Variants in KHDRBS3 observed in about 807,000 individuals in gnomAD.
The protein encoded by KHDRBS3 is KH domain-containing, RNA-binding, signal transduction-associated protein 3.
KHDRBS3 carries 23 observed loss-of-function variants against 45.6 expected under a neutral mutation model. The observed-to-expected ratio is 0.50, with a 90% CI of 0.36 to 0.72. The LOEUF (loss-of-function observed/expected upper bound fraction) is 0.72, where lower values mean the gene tolerates loss of function less well. KHDRBS3 is among the 30% of genes least tolerant of loss of function. The pLI is 0.00. For synonymous variants in KHDRBS3, 162 were observed against 156.5 expected, an observed-to-expected ratio of 1.04 and a Z score of -0.26; for missense variants, 352 against 424.8, an observed-to-expected ratio of 0.83 and a Z score of 1.51.
At chr8:135,492,605 C>T (rs1429647539) in intron 1 of KHDRBS3, among the ~76,000 whole-genome samples, 2 of 151,430 alleles carry the variant, frequency 1.3e-5, no homozygotes, top group Non-Finnish European at 2.9e-5. Context: ...AATTGATTGA[C>T]CATATGTGTG....
intron 5 of KHDRBS3, among the ~76,000 whole-genome samples, chr8:135,574,917 G>A (rs1827882395): frequency 6.6e-6 from 1 of 152,026 alleles, no homozygotes; most frequent in Non-Finnish European, 1.5e-5. Flanking sequence ...CACAAAAGTG[G>A]GCTCTATGTT....
intron 1 of KHDRBS3, among the ~76,000 whole-genome samples, chr8:135,500,468 A>G (rs1010845857): frequency 1.3e-5 from 2 of 152,084 alleles, no homozygotes; most frequent in East Asian, 1.9e-4. Flanking sequence ...AACAGAGGCT[A>G]CTCTGAAGAG....
chr8:135,478,992 G>A (rs1330181372), intron 1 of KHDRBS3, among the ~76,000 whole-genome samples: 2 of 152,056 alleles, frequency 1.3e-5, no homozygotes, highest in East Asian at 3.9e-4. Flanking sequence ...AATTAATAGA[G>A]AAAAGTCAAC....
chr8:135,579,168 A>G (rs895501910), intron 5 of KHDRBS3, among the ~76,000 whole-genome samples: 57 of 152,230 alleles, frequency 3.7e-4, no homozygotes, highest in African/African-American at 1.3e-3. Context: ...TTTTTCTTCA[A>G]AATCTGTATG....
At chr8:135,475,262 CTG>C (rs1308886736) in intron 1 of KHDRBS3, among the ~76,000 whole-genome samples, 2 of 152,132 alleles carry the variant, frequency 1.3e-5, no homozygotes, top group African/African-American at 2.4e-5. Flanking sequence ...AGAGGTATGA[CTG>C]TGTGTGGCAA....
rs80239210 is a variant in KHDRBS3 at position 135,461,187 on chromosome 8, C to T, written c.88+3233C>T. 4.4e-3 allele frequency among the ~76,000 whole-genome samples: 666 copies of T among 152,304 alleles called. 3 individuals are homozygous for T. The highest frequency in any genetic ancestry group is 0.034 in the Middle Eastern group (10 of 294). ...TGACACAATCTAGGCTCACCGTAACCTCTGCCTTCTGGGTTTGCGCGATTC... is the reference window on the plus strand; with the variant it reads ...TGACACAATCTAGGCTCACCGTAACTTCTGCCTTCTGGGTTTGCGCGATTC... On this transcript the variant is annotated intron_variant, in intron 1 of 8. Coordinates refer to ENST00000355849, the MANE Select transcript of KHDRBS3 (RefSeq NM_006558.3).
At chr8:135,469,189 A>T (rs1299974897) in intron 1 of KHDRBS3, among the ~76,000 whole-genome samples, 1 of 152,192 alleles carries the variant, frequency 6.6e-6, no homozygotes, top group South Asian at 2.1e-4. Flanking sequence ...TTCTTTATGT[A>T]ATTTATTGCT....
chr8:135,559,007 T>G (rs985141281), intron 5 of KHDRBS3, among the ~76,000 whole-genome samples: 2 of 152,214 alleles, frequency 1.3e-5, no homozygotes, highest in Non-Finnish European at 2.9e-5. Flanking sequence ...CTGCCTTCTC[T>G]TGTATCTATA....
At chr8:135,530,059 CAAA>C (rs11428464) in intron 2 of KHDRBS3, among the ~76,000 whole-genome samples, 1 of 136,620 alleles carries the variant, frequency 7.3e-6, no homozygotes, top group Non-Finnish European at 1.6e-5. Context: ...ACTCCCATCT[CAAA>C]AAAAAAAAAA....
intron 1 of KHDRBS3, among the ~76,000 whole-genome samples, chr8:135,493,537 T>G (rs559162760): frequency 6.6e-6 from 1 of 152,294 alleles, no homozygotes; most frequent in Non-Finnish European, 1.5e-5. Flanking sequence ...CTTTTCTGCA[T>G]CTCTTCAGTT....
At chr8:135,500,070 A>AT (rs997113964) in intron 1 of KHDRBS3, among the ~76,000 whole-genome samples, 16 of 152,060 alleles carry the variant, frequency 1.1e-4, no homozygotes, top group South Asian at 6.2e-4. Flanking sequence ...CTGTTTAGTG[A>AT]TTTTTTCATA....
At chr8:135,640,072 G>T (rs1586848052) in intron 7 of KHDRBS3, among the ~76,000 whole-genome samples, 1 of 152,154 alleles carries the variant, frequency 6.6e-6, no homozygotes, top group Non-Finnish European at 1.5e-5. Flanking sequence ...AAGAGATTGA[G>T]ACTATATAAG....
rs1231140150 is a variant in KHDRBS3, at chr8:135,612,964, GCTCT to G, written c.890+5930_890+5933del. ...TTTTTTTACATGTGGCTACTGGAAAGCTCTCTATTACAGTGTCTTCTCATAGACA... is the reference window on the plus strand; with the variant it reads ...TTTTTTTACATGTGGCTACTGGAAAGCTATTACAGTGTCTTCTCATAGACA... On this transcript the variant is annotated intron_variant, in intron 7 of 8. Coordinates refer to ENST00000355849, the MANE Select transcript of KHDRBS3 (RefSeq NM_006558.3). 1.3e-5 allele frequency among the ~76,000 whole-genome samples: 2 copies of G among 151,724 alleles called. 1 individual carries two copies. Among genetic ancestry groups the G allele is most frequent in the African/African-American group, 4.9e-5 (2 of 41,096 alleles).
intron 5 of KHDRBS3, among the ~76,000 whole-genome samples, chr8:135,565,769 A>T (rs1196465692): frequency 6.6e-6 from 1 of 152,168 alleles, no homozygotes; most frequent in Non-Finnish European, 1.5e-5. Flanking sequence ...GCAAAGACTC[A>T]GAGCCTTCCA....
At position 135,512,363 on chromosome 8, in the gene KHDRBS3, ATAGAT is replaced by A. The variant is rs1281160166; in HGVS notation, c.89-8872_89-8868del. On this transcript the variant is annotated intron_variant, in intron 1 of 8. Coordinates refer to ENST00000355849, the MANE Select transcript of KHDRBS3 (RefSeq NM_006558.3). ...TCTTATATGAGCTTCTCATTTTATTATAGATTTGGGCCAATGCCTGTCCTTTAATT... is the reference window on the plus strand; with the variant it reads ...TCTTATATGAGCTTCTCATTTTATTATTGGGCCAATGCCTGTCCTTTAATT... Among the ~76,000 whole-genome samples, 4 of 139,490 alleles carry A rather than the reference ATAGAT, an allele frequency of 2.9e-5. No homozygotes were observed. In the East Asian group the frequency reaches 9.0e-4, roughly 31 times the overall value. 91.5% of individuals were successfully genotyped at this position (139,490 alleles called of 152,430 possible). A position where few individuals can be genotyped will look rare whatever the true frequency, so the allele number is the denominator to read the frequency against.
intron 6 of KHDRBS3, among the ~76,000 whole-genome samples, chr8:135,598,441 G>A (rs913095646): frequency 6.6e-5 from 10 of 152,170 alleles, no homozygotes; most frequent in African/African-American, 1.7e-4. Context: ...AAGCCACACA[G>A]CTAGTAAGTG....
At chr8:135,559,685 T>C (rs1318509864) in intron 5 of KHDRBS3, among the ~76,000 whole-genome samples, 1 of 152,214 alleles carries the variant, frequency 6.6e-6, no homozygotes, top group Non-Finnish European at 1.5e-5. Flanking sequence ...TAAAAACTCT[T>C]CTGAAAGTCT....
intron 5 of KHDRBS3, among the ~76,000 whole-genome samples, chr8:135,565,174 G>A (rs965299082): frequency 3.3e-5 from 5 of 152,144 alleles, no homozygotes; most frequent in African/African-American, 1.2e-4. Context: ...GATTCCAAAG[G>A]AGCTTCTTGC....
chr8:135,585,101 C>T (rs960105954), intron 6 of KHDRBS3, among the ~76,000 whole-genome samples: 4 of 150,980 alleles, frequency 2.6e-5, no homozygotes, highest in Non-Finnish European at 5.9e-5. Flanking sequence ...TAGTGGTGCG[C>T]ACCTGTAAAC....
Sources: allele counts gnomAD v4.1 joint callset (sites outside exome capture counted in the v4.1 genomes callset), GRCh38; gene constraint gnomAD v4.1.1; transcripts MANE v1.5; gene names NCBI Gene and HGNC (gene_info 2026-07-23, HGNC 2026-07-21).